The following GPAM variants were observed in gnomAD, a reference collection of about 807,000 sequenced individuals.
GPAM encodes the protein glycerol-3-phosphate acyltransferase 1, mitochondrial.
A neutral mutation model predicts 105.0 loss-of-function variants in GPAM; 56 were observed. The observed-to-expected ratio is 0.53, with a 90% CI of 0.43 to 0.67. GPAM has a LOEUF of 0.67. Among genes scored for constraint, GPAM ranks in the 30% least tolerant of loss-of-function variants. The pLI is 0.00. For missense variants in GPAM, 855 were observed against 989.8 expected, an observed-to-expected ratio of 0.86 and a Z score of 1.83; for synonymous variants, 368 against 354.4, an observed-to-expected ratio of 1.04 and a Z score of -0.43.
the GPAM span, among the ~76,000 whole-genome samples, chr10:112,226,623 G>A: frequency 1.3e-5 from 2 of 152,204 alleles, no homozygotes; most frequent in African/African-American, 4.8e-5. Flanking sequence ...CGAGCTCTGG[G>A]AGCCCATGCT....
chr10:112,192,207 C>T (rs1176280844), intron 1 of GPAM, among the ~76,000 whole-genome samples: 2 of 152,224 alleles, frequency 1.3e-5, no homozygotes, highest in Non-Finnish European at 2.9e-5. Context: ...TTTATCCATT[C>T]ATTCATAACA....
intron 1 of GPAM, among the ~76,000 whole-genome samples, chr10:112,198,880 G>A (rs1168315010): frequency 6.6e-6 from 1 of 152,004 alleles, no homozygotes; most frequent in East Asian, 1.9e-4. Flanking sequence ...GCAATGACAT[G>A]GATAAACCTA....
At chr10:112,219,712 A>G (rs563933997), upstream of GPAM, among the ~76,000 whole-genome samples, 3 of 152,326 alleles carry the variant, frequency 2.0e-5, no homozygotes, top group South Asian at 6.2e-4. Flanking sequence ...TGCAGCATAC[A>G]TGAAACCCCC....
chr10:112,161,761 T>C, intron 14 of GPAM, 24 bp from the exon 15 acceptor site: 1 of 1,598,756 alleles, frequency 6.3e-7, no homozygotes, highest in Non-Finnish European at 8.6e-7. Context: ...ACAAAGCTTT[T>C]TTTAGTTGCA....
upstream of GPAM, among the ~76,000 whole-genome samples, chr10:112,185,354 A>G (rs752652733): frequency 6.6e-6 from 1 of 152,168 alleles, no homozygotes; most frequent in Non-Finnish European, 1.5e-5. Flanking sequence ...ACCAATTGAA[A>G]TCATCCCAGA....
chr10:112,153,644 T>G lies in GPAM; in HGVS notation c.2393A>C (p.Lys798Thr). The part of the protein sequence containing the change: ...DIGVFKETKQ[K>T]RVSVLELSST... ...GCTCAGTTCTAAAACAGACACTCTC[T>G]TTTGTTTGGTCTCCTTGAAAACCTA... The change falls in exon 22 of 22, where the codon AAG (lysine) becomes ACG (threonine). Residue 798 changes from lysine to threonine, a missense_variant. Lys to Thr is a moderately conservative substitution (Grantham distance 78). Coordinates refer to ENST00000348367, the MANE Select transcript of GPAM (RefSeq NM_001244949.2). 6.2e-6 allele frequency: 10 copies of G among 1,610,748 alleles called. No individual in the cohort carries two copies. Among genetic ancestry groups the G allele is most frequent in the Non-Finnish European group, 8.5e-6 (10 of 1,177,196 alleles).
intron 1 of GPAM, among the ~76,000 whole-genome samples, chr10:112,203,780 G>A (rs1228908965): frequency 6.6e-6 from 1 of 152,166 alleles, no homozygotes; most frequent in African/African-American, 2.4e-5. Flanking sequence ...TTACAGACTT[G>A]TCAGATATGA....
chr10:112,158,046 T>A (rs777997024), intron 18 of GPAM, among the ~76,000 whole-genome samples: 47 of 152,328 alleles, frequency 3.1e-4, no homozygotes, highest in Middle Eastern at 6.8e-3. Context: ...TTCTTGTGCC[T>A]CAGCCTCCCA....
Position 112,162,854 on chromosome 10 carries a change from C to G in GPAM, c.1423+847G>C, listed in dbSNP as rs151236590. Among the ~76,000 whole-genome samples the G allele has an allele frequency of 7.6e-3, 1,158 of 151,954 alleles. 17 individuals carry two copies. The highest frequency in any genetic ancestry group is 0.026 in the African/African-American group (1,081 of 41,418). The stretch of plus-strand genomic sequence containing the variant: ...AACAATAAGGTATTATTTTTTGTAT[C>G]CAGATTTTAAGCAGGATAGAGACAT... On this transcript the variant is annotated intron_variant, in intron 14 of 21. Coordinates refer to ENST00000348367, the MANE Select transcript of GPAM (RefSeq NM_001244949.2).
chr10:112,211,271 G>A (rs1327708623), intron 1 of GPAM, among the ~76,000 whole-genome samples: 1 of 152,206 alleles, frequency 6.6e-6, no homozygotes, highest in East Asian at 1.9e-4. Context: ...ACCTGGGGAA[G>A]AAGAGCCCAG....
upstream of GPAM, among the ~76,000 whole-genome samples, chr10:112,220,166 G>A (rs921833768): frequency 6.6e-6 from 1 of 152,018 alleles, no homozygotes; most frequent in African/African-American, 2.4e-5. Context: ...GAGCAGGCAG[G>A]AGGACCATTT....
rs562635874 is a variant in GPAM at position 112,151,273 on chromosome 10, T to A, written c.*2277A>T. 1.4e-5 allele frequency: 14 copies of A among 985,816 alleles called. No homozygotes were observed. The African/African-American group carries it at 2.4e-4, about 17-fold the overall frequency. 61.1% of individuals were successfully genotyped at this position (985,816 alleles called of 1,614,324 possible). On this transcript the variant is annotated 3_prime_UTR_variant, in exon 22 of 22. Transcript: ENST00000348367. ...ACTGTTGGAAAACAATGAGAATGTA[T>A]CTTTTAGCAAAACGGTGCTATCTGG...
intron 1 of GPAM, among the ~76,000 whole-genome samples, chr10:112,194,624 A>G (rs902835482): frequency 3.9e-4 from 60 of 152,198 alleles, no homozygotes; most frequent in African/African-American, 1.4e-3. Flanking sequence ...ACTAGATTTT[A>G]ACATGGACAA....
rs975178969 is a variant in GPAM at position 112,178,207 on chromosome 10, G to A, written c.226-150C>T. On this transcript the variant is annotated intron_variant, in intron 4 of 21. Coordinates refer to ENST00000348367, the MANE Select transcript of GPAM (RefSeq NM_001244949.2). ...GGGAAGAAAAAAGTTTTATTGAAAAGTACTTTTTAGCCTTCAAAGAATGTC... is the reference window on the plus strand; with the variant it reads ...GGGAAGAAAAAAGTTTTATTGAAAAATACTTTTTAGCCTTCAAAGAATGTC... 5.0e-6 allele frequency: 3 copies of A among 603,768 alleles called. No individual in the cohort carries two copies. In the African/African-American group the frequency reaches 5.6e-5, roughly 11 times the overall value. The allele number at this position is 603,768 out of a possible 1,614,324, so 37.4% of individuals were successfully genotyped here. A position where few individuals can be genotyped will look rare whatever the true frequency, so the allele number is the denominator to read the frequency against.
intron 21 of GPAM, chr10:112,154,279 C>A: frequency 3.2e-6 from 1 of 316,268 alleles, no homozygotes; most frequent in South Asian, 4.0e-5. Context: ...ATTCCAAAAT[C>A]CCAAAAAAAT....
In GPAM at chr10:112,152,228, G is replaced by C. The variant is rs1051033773; in HGVS notation, c.*1322C>G. ...TCTTGGAGATAAGCAACAGTAAACT[G>C]TTAGAAAACGTTTTAACATTACATG... On this transcript the variant is annotated 3_prime_UTR_variant, in exon 22 of 22. Transcript: ENST00000348367. The C allele has an allele frequency of 2.0e-6, 2 of 975,992 alleles. No homozygotes were observed. Among genetic ancestry groups the C allele is most frequent in the Non-Finnish European group, 2.4e-6 (2 of 821,540 alleles). 60.5% of individuals were successfully genotyped at this position (975,992 alleles called of 1,614,324 possible).
At chr10:112,164,314 AC>A (rs1470765329) in intron 13 of GPAM, among the ~76,000 whole-genome samples, 1 of 152,260 alleles carries the variant, frequency 6.6e-6, no homozygotes, top group Non-Finnish European at 1.5e-5. Context: ...TATATGAGTC[AC>A]AAAATCAAAA....
intron 1 of GPAM, among the ~76,000 whole-genome samples, chr10:112,203,159 C>T (rs537757173): frequency 1.3e-5 from 2 of 152,276 alleles, no homozygotes; most frequent in East Asian, 3.9e-4. Context: ...TCTCCTCTTC[C>T]TGTTTCATCT....
chr10:112,166,162 AT>A (rs1415476093), intron 12 of GPAM, among the ~76,000 whole-genome samples: 5 of 152,300 alleles, frequency 3.3e-5, no homozygotes, highest in Admixed American at 6.5e-5. Context: ...TTAAAAAAAA[AT>A]AATAATAGCA....
Sources: allele counts gnomAD v4.1 joint callset (sites outside exome capture counted in the v4.1 genomes callset), GRCh38; gene constraint gnomAD v4.1.1; transcripts MANE v1.5; gene names NCBI Gene and HGNC (gene_info 2026-07-23, HGNC 2026-07-21).